The following EPHA5 variants were observed in gnomAD, a reference collection of about 807,000 sequenced individuals.
The protein encoded by EPHA5 is EPH receptor A5, also known as ephrin type-A receptor 5.
A neutral mutation model predicts 105.0 loss-of-function variants in EPHA5; 60 were observed. The observed-to-expected ratio is 0.57, with a 90% CI of 0.46 to 0.71. The LOEUF (loss-of-function observed/expected upper bound fraction) is 0.71. EPHA5 is among the 30% of genes least tolerant of loss of function. The pLI is 0.00. For missense variants in EPHA5, 1,218 were observed against 1,274.7 expected, an observed-to-expected ratio of 0.96 and a Z score of 0.68; for synonymous variants, 513 against 449.1, an observed-to-expected ratio of 1.14 and a Z score of -1.80.
chr4:65,587,606 C>T (rs1317962014), intron 3 of EPHA5, among the ~76,000 whole-genome samples: 1 of 152,082 alleles, frequency 6.6e-6, no homozygotes, highest in Non-Finnish European at 1.5e-5. Flanking sequence ...TGGATATTCC[C>T]ATAGGAAATA....
At chr4:65,474,205 A>G (rs2149169475) in intron 5 of EPHA5, among the ~76,000 whole-genome samples, 1 of 152,306 alleles carries the variant, frequency 6.6e-6, no homozygotes, top group African/African-American at 2.4e-5. Flanking sequence ...TTTTAATATG[A>G]ATATACTGTA....
Position 65,362,823 on chromosome 4 carries a change from A to G in EPHA5, c.2173+2194T>C, listed in dbSNP as rs116207862. On this transcript the variant is annotated intron_variant, in intron 11 of 16. Transcript: ENST00000613740. The stretch of plus-strand genomic sequence containing the variant: ...CTGTAAAATATAATATGTTTACATA[A>G]ATATTTAGGATACGATCTTTGTCTT... 2.6e-3 allele frequency among the ~76,000 whole-genome samples: 401 copies of G among 151,876 alleles called. 3 individuals carry two copies. The highest frequency in any genetic ancestry group is 8.8e-3 in the African/African-American group (366 of 41,524).
At position 65,353,070 on chromosome 4, in the gene EPHA5, T is replaced by C. The variant is rs770871796; in HGVS notation, c.2207A>G (p.Glu736Gly). The C allele has an allele frequency of 1.3e-6, 2 of 1,566,958 alleles. No individual in the cohort carries two copies. The highest frequency in any genetic ancestry group is 8.6e-7 in the Non-Finnish European group (1 of 1,158,530). ...KPVMIVTEYM[E>G]NGSLDTFLKK... Reference sequence around the variant, plus strand: ...CAAAAATGTATCTAAAGAGCCATTCTCCATATACTCTGTCACGATCATCAC... The same window carrying C: ...CAAAAATGTATCTAAAGAGCCATTCCCCATATACTCTGTCACGATCATCAC... Residue 736 changes from glutamate (E) to glycine (G), a missense_variant, in exon 12 of 17, where the codon GAG (glutamate) becomes GGG (glycine). Physicochemically the swap from Glu to Gly is moderately conservative, Grantham distance 98. Coordinates refer to ENST00000613740, the MANE Select transcript of EPHA5 (RefSeq NM_001281766.3).
intron 5 of EPHA5, among the ~76,000 whole-genome samples, chr4:65,452,883 C>T (rs928674729): frequency 2.5e-4 from 38 of 152,084 alleles, no homozygotes; most frequent in Admixed American, 4.6e-4. Flanking sequence ...AAAAAGAAGA[C>T]GAAGAAGAAA....
intron 2 of EPHA5, among the ~76,000 whole-genome samples, chr4:65,633,718 G>A (rs2149495325): frequency 6.6e-6 from 1 of 152,082 alleles, no homozygotes; most frequent in African/African-American, 2.4e-5. Context: ...ATTATACTGG[G>A]AAATATGCAT....
chr4:65,374,135 C>T (rs1718760986), intron 8 of EPHA5, among the ~76,000 whole-genome samples: 1 of 151,782 alleles, frequency 6.6e-6, no homozygotes, highest in South Asian at 2.1e-4. Context: ...ATGATTAGAA[C>T]GTTAAGTTGG....
intron 2 of EPHA5, among the ~76,000 whole-genome samples, chr4:65,639,961 T>C (rs185142539): frequency 5.7e-4 from 87 of 152,358 alleles, no homozygotes; most frequent in African/African-American, 2.0e-3. Context: ...AATTCAATTA[T>C]ACATTGCTCT....
chr4:65,623,890 A>T (rs983964222), intron 2 of EPHA5, among the ~76,000 whole-genome samples: 1 of 152,234 alleles, frequency 6.6e-6, no homozygotes, highest in Non-Finnish European at 1.5e-5. Context: ...ACAATAAACC[A>T]TGTGTTTTAA....
intron 3 of EPHA5, among the ~76,000 whole-genome samples, chr4:65,563,634 A>G (rs1283399240): frequency 6.6e-6 from 1 of 152,060 alleles, no homozygotes; most frequent in Admixed American, 6.6e-5. Flanking sequence ...CATGTGTAGC[A>G]GAAAGTACCA....
At chr4:65,443,322 C>T (rs180674156) in intron 5 of EPHA5, among the ~76,000 whole-genome samples, 1 of 151,422 alleles carries the variant, frequency 6.6e-6, no homozygotes, top group Non-Finnish European at 1.5e-5. Flanking sequence ...CTGCACAAAA[C>T]CGGTAATTGT....
At chr4:65,510,204 TTG>T (rs201153513) in intron 3 of EPHA5, among the ~76,000 whole-genome samples, 712 of 46,576 alleles carry the variant, frequency 0.015, 11 homozygotes, top group East Asian at 0.057. Context: ...CTGGCTAATT[TTG>T]TGTTTTTTTT....
At chr4:65,532,162 C>T (rs116355514) in intron 3 of EPHA5, among the ~76,000 whole-genome samples, 2,306 of 152,132 alleles carry the variant, frequency 0.015, 26 homozygotes, top group Non-Finnish European at 0.024. Flanking sequence ...AAAAATCCTG[C>T]ATAAATTAAA....
Position 65,506,535 on chromosome 4 carries a change from C to T in EPHA5, c.911-10992G>A, listed in dbSNP as rs568422621. Among the ~76,000 whole-genome samples, 27 of 145,186 alleles carry T rather than the reference C, an allele frequency of 1.9e-4. 4 individuals carry two copies. In the South Asian group the frequency reaches 3.3e-3, roughly 18 times the overall value. ...TGTTGTTTCCTGACTTTTTAATGAT[C>T]GCCATTCTAACTGATGTGAGATGGT... On this transcript the variant is annotated intron_variant, in intron 3 of 16. Transcript: ENST00000613740.
At chr4:65,435,125 C>T (rs1396167125) in intron 5 of EPHA5, among the ~76,000 whole-genome samples, 1 of 152,050 alleles carries the variant, frequency 6.6e-6, no homozygotes, top group African/African-American at 2.4e-5. Flanking sequence ...ATATTATCCA[C>T]ATTTTAACAC....
At chr4:65,366,083 C>G (rs749596579) in intron 9 of EPHA5, 26 bp from the exon 10 acceptor site, 1 of 1,575,002 alleles carries the variant, frequency 6.3e-7, no homozygotes, top group Non-Finnish European at 8.7e-7. Context: ...GGCATTAAAA[C>G]AGAAGTAGTT....
Position 65,321,711 on chromosome 4 carries a change from T to A in EPHA5, c.*2403A>T. 4.4e-6 allele frequency: 1 copy of A among 228,772 alleles called. No homozygotes were observed. Among genetic ancestry groups the A allele is most frequent in the East Asian group, 6.2e-5 (1 of 16,108 alleles). The allele number at this position is 228,772 out of a possible 1,614,324, so 14.2% of individuals were successfully genotyped here. A position where few individuals can be genotyped will look rare whatever the true frequency, so the allele number is the denominator to read the frequency against. ...TTCTTCCTTTGTTAAAAAGAGAAAA[T>A]CTATATTGCAACTTAAAGTTCTAGT... On this transcript the variant is annotated 3_prime_UTR_variant, in exon 17 of 17. Coordinates refer to ENST00000613740, the MANE Select transcript of EPHA5 (RefSeq NM_001281766.3).
chr4:65,659,207 T>C (rs1749324163), intron 1 of EPHA5, among the ~76,000 whole-genome samples: 1 of 151,294 alleles, frequency 6.6e-6, no homozygotes, highest in South Asian at 2.1e-4. Flanking sequence ...CAGCAATAGA[T>C]AGCACTTCTT....
At chr4:65,499,664 C>A (rs1732286170) in intron 3 of EPHA5, among the ~76,000 whole-genome samples, 1 of 151,388 alleles carries the variant, frequency 6.6e-6, no homozygotes, top group Admixed American at 6.6e-5. Flanking sequence ...TACAAGTTTC[C>A]AAGTAATATT....
At chr4:65,652,268 T>G (rs926648470) in intron 1 of EPHA5, among the ~76,000 whole-genome samples, 5 of 152,176 alleles carry the variant, frequency 3.3e-5, no homozygotes, top group African/African-American at 1.2e-4. Flanking sequence ...CTTCATTGCA[T>G]AGAGAATACT....
Sources: gnomAD v4.1 joint callset for allele counts (sites outside exome capture counted in the v4.1 genomes callset) on GRCh38, gnomAD v4.1.1 for gene constraint, MANE v1.5 for transcripts, NCBI Gene and HGNC (gene_info 2026-07-23, HGNC 2026-07-21) for gene names.